The following MROH9 variants were observed in gnomAD, a reference collection of about 807,000 sequenced individuals.
MROH9 encodes maestro heat like repeat family member 9, also known as maestro heat-like repeat-containing protein family member 9.
Under a neutral mutation model 98.2 loss-of-function variants are expected in MROH9, and 92 were observed. The ratio of observed to expected loss-of-function variants is 0.94; its 90% CI spans 0.79 to 1.11. MROH9 has a LOEUF of 1.11. Ranked by LOEUF, MROH9 falls within the 50% of genes most tolerant of loss-of-function variation. MROH9 has a pLI of 0.00. For missense variants in MROH9, 1,057 were observed against 1,014.8 expected (o/e 1.04, Z -0.57); for synonymous variants, 397 against 368.9 (o/e 1.08, Z -0.87).
intron 20 of MROH9, among the ~76,000 whole-genome samples, chr1:171,027,293 G>A (rs1652747616): frequency 6.6e-6 from 1 of 152,138 alleles, no homozygotes; most frequent in South Asian, 2.1e-4. Flanking sequence ...TTATGAGTGA[G>A]AACATGTGGT....
rs2101814318 is a variant in MROH9, at chr1:170,996,511, G to T, written c.1342G>T (p.Ala448Ser). 1 of 1,613,216 alleles carries T rather than the reference G, an allele frequency of 6.2e-7. No homozygotes were observed. The highest frequency in any genetic ancestry group is 8.5e-7 in the Non-Finnish European group (1 of 1,179,476). The change falls in exon 14 of 22, where the codon GCC becomes TCC. Residue 448 changes from alanine to serine, a missense_variant. Transcript: ENST00000367759. Reference protein sequence around the residue: ...KPILKDRALYAQDALRVLLNC... With the variant: ...KPILKDRALYSQDALRVLLNC... ...TGCTCTCTTTTGGGGCTTTAGGTAT[G>T]CCCAGGATGCCCTGAGAGTTCTGCT... is the stretch of plus-strand genomic sequence containing the variant.
chr1:170,993,946 A>G (rs1029802830), intron 12 of MROH9, among the ~76,000 whole-genome samples: 3 of 152,164 alleles, frequency 2.0e-5, no homozygotes, highest in Admixed American at 1.3e-4. Context: ...GCTATATACT[A>G]CATATTTCAT....
chr1:171,057,415 G>A (rs941822115), intron 20 of MROH9, among the ~76,000 whole-genome samples: 9 of 152,088 alleles, frequency 5.9e-5, no homozygotes, highest in African/African-American at 2.2e-4. Context: ...CAAGATTAGA[G>A]AAAAAAGAAT....
At chr1:170,975,061 AAAG>A (rs1326426802) in intron 8 of MROH9, among the ~76,000 whole-genome samples, 1 of 152,034 alleles carries the variant, frequency 6.6e-6, no homozygotes, top group Admixed American at 6.5e-5. Flanking sequence ...ATGAGGCAAA[AAAG>A]AATAGAAAAA....
In MROH9 at chr1:170,952,142, A is replaced by T. The variant is rs927656726; in HGVS notation, c.72+4569A>T. Among the ~76,000 whole-genome samples, 380 of 151,998 alleles carry T rather than the reference A, an allele frequency of 2.5e-3. 3 individuals carry two copies. The highest frequency in any genetic ancestry group is 3.4e-3 in the Non-Finnish European group (233 of 67,936). ...TGTGGAGAAATAGGAACACTTTTAC[A>T]CTGTTGGTGGGACTGTAAACTAGTT... On this transcript the variant is annotated intron_variant, in intron 3 of 21. Transcript: ENST00000367759.
At position 170,959,631 on chromosome 1, in the gene MROH9, G is replaced by A. The variant is rs749785665; in HGVS notation, c.288+34G>A. 17 of 1,595,368 alleles carry A rather than the reference G, an allele frequency of 1.1e-5. No homozygotes were observed. In the Middle Eastern group the frequency reaches 6.9e-4, roughly 65 times the overall value. On this transcript the variant is annotated intron_variant, in intron 5 of 21. Coordinates refer to ENST00000367759, the MANE Select transcript of MROH9 (RefSeq NM_001163629.2). ...TTTCTTCCTTTAATCATTATAGGAT[G>A]TTATTACACATCACAGCAATCCTGC...
intron 20 of MROH9, among the ~76,000 whole-genome samples, chr1:171,055,601 A>G (rs1653811625): frequency 1.4e-5 from 2 of 147,600 alleles, no homozygotes; most frequent in Admixed American, 1.4e-4. Flanking sequence ...CAGTTTGGGC[A>G]ACAGTGTGAG....
Position 170,955,964 on chromosome 1 carries a change from C to T in MROH9, c.73-2497C>T, listed in dbSNP as rs546324843. 2.7e-3 allele frequency among the ~76,000 whole-genome samples: 407 copies of T among 152,264 alleles called. 1 individual carries two copies. The highest frequency in any genetic ancestry group is 9.1e-3 in the African/African-American group (377 of 41,536). The stretch of plus-strand genomic sequence containing the variant: ...ATAGTTTCAGGTCTTAGATTTAAGT[C>T]CTTAATCCATCTTGTGTTGATTTTT... On this transcript the variant is annotated intron_variant, in intron 3 of 21. Coordinates refer to ENST00000367759, the MANE Select transcript of MROH9 (RefSeq NM_001163629.2).
intron 20 of MROH9, among the ~76,000 whole-genome samples, chr1:171,049,827 T>C (rs967550274): frequency 2.0e-5 from 3 of 152,052 alleles, no homozygotes; most frequent in Non-Finnish European, 4.4e-5. Context: ...ACTATAGGCC[T>C]GTACCACCAT....
At chr1:170,946,085 A>T (rs889592361) in intron 2 of MROH9, among the ~76,000 whole-genome samples, 28 of 152,156 alleles carry the variant, frequency 1.8e-4, no homozygotes, top group African/African-American at 6.0e-4. Context: ...AAGTTATCAA[A>T]ATAAAACAAA....
rs1244037392 is a variant in MROH9 at position 171,014,249 on chromosome 1, A to C, written c.1729A>C (p.Asn577His). ...HRIVHMSPIINKTENVSSILI... is the reference protein window; with the variant it reads ...HRIVHMSPIIHKTENVSSILI... ...AATTGTCCACATGTCACCAATTATCAATAAGGTATGTGTATGTGATTTGTG... is the reference window on the plus strand; with the variant it reads ...AATTGTCCACATGTCACCAATTATCCATAAGGTATGTGTATGTGATTTGTG... Residue 577 changes from asparagine (N) to histidine (H), a missense_variant, in exon 16 of 22, where the codon AAT becomes CAT. By Grantham distance (68) the Asn-to-His change is moderately conservative. Coordinates refer to ENST00000367759, the MANE Select transcript of MROH9 (RefSeq NM_001163629.2). The C allele has an allele frequency of 6.4e-7, 1 of 1,550,748 alleles. No individual in the cohort carries two copies. Among genetic ancestry groups the C allele is most frequent in the East Asian group, 2.4e-5 (1 of 40,838 alleles).
At chr1:170,949,621 G>A (rs1220149595) in intron 3 of MROH9, among the ~76,000 whole-genome samples, 1 of 151,970 alleles carries the variant, frequency 6.6e-6, no homozygotes, top group Non-Finnish European at 1.5e-5. Context: ...CAAGTGGGCT[G>A]GTGTTTCAAA....
intron 10 of MROH9, among the ~76,000 whole-genome samples, chr1:170,988,431 C>A (rs752843150): frequency 1.3e-5 from 2 of 152,162 alleles, no homozygotes; most frequent in Non-Finnish European, 2.9e-5. Flanking sequence ...AAATAGAGTT[C>A]TCTTCTAGTG....
At chr1:170,996,778 T>C (rs2101814826) in intron 14 of MROH9, 134 bp downstream of exon 14, 3 of 870,630 alleles carry the variant, frequency 3.4e-6, no homozygotes, top group Non-Finnish European at 5.1e-6. Context: ...TGAGTTGCTA[T>C]TTGATTTCTA....
intron 20 of MROH9, among the ~76,000 whole-genome samples, chr1:171,055,078 C>A (rs952481340): frequency 6.7e-6 from 1 of 148,824 alleles, no homozygotes; most frequent in East Asian, 2.0e-4. Context: ...TATGGCAGTA[C>A]AATTTGCAAT....
chr1:170,944,857 G>A (rs1048651705), intron 1 of MROH9, among the ~76,000 whole-genome samples: 3 of 151,980 alleles, frequency 2.0e-5, no homozygotes, highest in South Asian at 2.1e-4. Flanking sequence ...ATTTAGGAAG[G>A]AAGGGTACGG....
At chr1:171,045,289 C>T (rs192690253) in intron 20 of MROH9, among the ~76,000 whole-genome samples, 65 of 152,016 alleles carry the variant, frequency 4.3e-4, no homozygotes, top group East Asian at 2.5e-3. Flanking sequence ...CATGCGCCAC[C>T]GTGCTCGGCC....
rs1187372902 is a variant in MROH9, at chr1:171,016,337, G to A, written c.1908+1G>A. On this transcript the variant is annotated splice_donor_variant, in intron 17 of 21. Transcript: ENST00000367759. LOFTEE classifies it high-confidence loss of function. ...CAGCTACTGTACTCTGATGGATCAT[G>A]TGAGTTACACAGTTAGATATGTGAG... 6.7e-7 allele frequency: 1 copy of A among 1,494,366 alleles called. No homozygotes were observed. Among genetic ancestry groups the A allele is most frequent in the South Asian group, 1.4e-5 (1 of 73,554 alleles). The allele number at this position is 1,494,366 out of a possible 1,614,324, so 92.6% of individuals were successfully genotyped here.
chr1:171,010,431 TA>T (rs1652110635), intron 15 of MROH9, among the ~76,000 whole-genome samples: 1 of 152,222 alleles, frequency 6.6e-6, no homozygotes, highest in African/African-American at 2.4e-5. Flanking sequence ...GAATGACTTA[TA>T]ATCCTTTGGG....
Sources: allele counts gnomAD v4.1 joint callset (sites outside exome capture counted in the v4.1 genomes callset), GRCh38; gene constraint gnomAD v4.1.1; transcripts MANE v1.5; gene names NCBI Gene and HGNC (gene_info 2026-07-23, HGNC 2026-07-21).